The following PUDP variants were observed in gnomAD, a reference collection of about 807,000 sequenced individuals.
PUDP encodes pseudouridine-5'-phosphatase.
PUDP carries 8 observed loss-of-function variants against 9.4 expected under a neutral mutation model. The observed-to-expected ratio is 0.85, with a 90% CI of 0.50 to 1.53. PUDP has a LOEUF of 1.53. Among genes scored for constraint, PUDP ranks in the 40% most tolerant of loss-of-function variants. The pLI is 0.00. For synonymous variants in PUDP, 99 were observed against 80.7 expected (o/e 1.23, Z -1.22); for missense variants, 188 against 189.7 (o/e 0.99, Z 0.05).
chrX:6,890,269 G>C (rs1220046493), intron 3 of PUDP, among the ~76,000 whole-genome samples: 1 of 111,795 alleles, frequency 8.9e-6, no homozygotes, highest in African/African-American at 3.3e-5. Context: ...TGGAACTATT[G>C]CTCTTCAAAT....
chrX:7,141,524 G>A (rs1932795417), intron 1 of PUDP, among the ~76,000 whole-genome samples: 1 of 113,236 alleles, frequency 8.8e-6, no homozygotes, highest in South Asian at 3.6e-4. Context: ...GAGGTTTAAG[G>A]AAAGAATTGC....
At chrX:6,711,663 G>A (rs1171460543) in intron 1 of PUDP, among the ~76,000 whole-genome samples, 1 of 111,661 alleles carries the variant, frequency 9.0e-6, no homozygotes, top group East Asian at 2.8e-4. Flanking sequence ...TCCTTCCGAG[G>A]CTTCTTCTGA....
intron 1 of PUDP, among the ~76,000 whole-genome samples, chrX:7,124,965 G>A (rs1280986719): frequency 9.2e-6 from 1 of 108,798 alleles, no homozygotes; most frequent in Non-Finnish European, 1.9e-5. Context: ...AAGTAACTTT[G>A]GCTATCTTTT....
intron 3 of PUDP, among the ~76,000 whole-genome samples, chrX:6,800,822 C>T (rs1925920391): frequency 8.9e-6 from 1 of 111,752 alleles, no homozygotes; most frequent in African/African-American, 3.3e-5. Context: ...TTGTTAACAA[C>T]CTAGACTTGC....
intron 3 of PUDP, among the ~76,000 whole-genome samples, chrX:6,794,018 A>T (rs1482155344): frequency 8.9e-6 from 1 of 111,842 alleles, no homozygotes; most frequent in Non-Finnish European, 1.9e-5. Context: ...AATGGAAAAG[A>T]CTATGGAATA....
intron 3 of PUDP, among the ~76,000 whole-genome samples, chrX:6,888,162 C>T (rs1157271308): frequency 9.0e-6 from 1 of 110,891 alleles, no homozygotes; most frequent in Non-Finnish European, 1.9e-5. Context: ...TTGCTAGAGG[C>T]CGCCCTAAGA....
At chrX:6,826,289 T>G (rs1261593348) in intron 3 of PUDP, among the ~76,000 whole-genome samples, 1 of 111,979 alleles carries the variant, frequency 8.9e-6, no homozygotes, top group African/African-American at 3.2e-5. Context: ...CTGTAACAAA[T>G]GTACAATTTA....
intron 1 of PUDP, among the ~76,000 whole-genome samples, chrX:6,714,859 T>C (rs904504021): frequency 7.2e-5 from 8 of 111,467 alleles, no homozygotes; most frequent in African/African-American, 2.6e-4. Context: ...AACACATCAT[T>C]GTCACCACTC....
chrX:6,954,542 C>T (rs1448752337), intron 3 of PUDP, among the ~76,000 whole-genome samples: 1 of 111,610 alleles, frequency 9.0e-6, no homozygotes, highest in South Asian at 3.8e-4. Flanking sequence ...AGGGGCAGTC[C>T]TCCAGGCTGG....
chrX:6,775,399 T>C (rs1925433721), intron 3 of PUDP, among the ~76,000 whole-genome samples: 1 of 111,422 alleles, frequency 9.0e-6, no homozygotes, highest in Admixed American at 9.6e-5. Context: ...AGCCCTGCTA[T>C]TAACATTCAT....
At chrX:6,940,195 C>T (rs1928379006) in intron 3 of PUDP, among the ~76,000 whole-genome samples, 1 of 113,464 alleles carries the variant, frequency 8.8e-6, no homozygotes, top group Non-Finnish European at 1.9e-5. Context: ...AACTATGGCC[C>T]ATTGGCCAAG....
At chrX:6,843,105 T>TA (rs1364892027) in intron 3 of PUDP, among the ~76,000 whole-genome samples, 1 of 112,550 alleles carries the variant, frequency 8.9e-6, no homozygotes. Context: ...GATAATGTAT[T>TA]ATGCAGTGAA....
rs1180175732 is a variant in PUDP at position 7,077,295 on chromosome X, C to T, written c.435G>A (p.Val145=). 8.3e-7 allele frequency: 1 copy of T among 1,207,389 alleles called. No homozygotes were observed. The highest frequency in any genetic ancestry group is 1.8e-5 in the African/African-American group (1 of 57,138). Residue 145 remains valine, a synonymous_variant, in exon 3 of 4, where the codon GTG becomes GTA. Transcript: ENST00000381077. ...TGTCCGGGTCTGGCTTGCCATGCTGCACTTCGGGGTCATCTCCCAGCACAA... is the reference window on the plus strand; with the variant it reads ...TGTCCGGGTCTGGCTTGCCATGCTGTACTTCGGGGTCATCTCCCAGCACAA... The part of the protein sequence containing the change: ...SHIVLGDDPE[V]QHGKPDPDIF...
chrX:7,075,382 G>A lies in PUDP; in HGVS notation c.510+1838C>T, dbSNP rs188757156. ...TAGCCAGGCGTGATGGCACACGCCT[G>A]TAATCCCAGGTACTCAGGAGGGTGA... On this transcript the variant is annotated intron_variant, in intron 3 of 3. Transcript: ENST00000381077. Among the ~76,000 whole-genome samples, 424 of 111,749 alleles carry A rather than the reference G, an allele frequency of 3.8e-3. 2 individuals carry two copies. Among genetic ancestry groups the A allele is most frequent in the African/African-American group, 0.013 (409 of 30,719 alleles).
intron 3 of PUDP, among the ~76,000 whole-genome samples, chrX:6,951,753 C>T (rs142598221): frequency 0.03 from 3,362 of 112,223 alleles, 63 homozygotes; most frequent in African/African-American, 0.07. Context: ...TGTTATAGTG[C>T]TGCAGTCGGC....
At chrX:7,030,485 G>T (rs1436285017) in intron 1 of PUDP, among the ~76,000 whole-genome samples, 1 of 111,670 alleles carries the variant, frequency 9.0e-6, no homozygotes, top group Non-Finnish European at 1.9e-5. Context: ...GTATTTCCAG[G>T]AGAATGGCAT....
intron 3 of PUDP, among the ~76,000 whole-genome samples, chrX:6,847,643 C>T (rs1289079680): frequency 8.9e-6 from 1 of 112,470 alleles, no homozygotes. Context: ...TGACTTCTCA[C>T]AATATCCAGT....
chrX:6,753,261 T>C (rs12394428), intron 3 of PUDP, among the ~76,000 whole-genome samples: 20,292 of 111,503 alleles, frequency 0.18, 1,824 homozygotes, highest in African/African-American at 0.34. Flanking sequence ...CTTAGAATAA[T>C]AGTCTCCAAT....
intron 1 of PUDP, among the ~76,000 whole-genome samples, chrX:7,027,539 A>G (rs1245903205): frequency 1.9e-5 from 2 of 102,984 alleles, no homozygotes; most frequent in Non-Finnish European, 3.9e-5. Context: ...TCACACATAT[A>G]TGTGTGAATA....
Sources: gnomAD v4.1 joint callset for allele counts (sites outside exome capture counted in the v4.1 genomes callset) on GRCh38, gnomAD v4.1.1 for gene constraint, MANE v1.5 for transcripts, NCBI Gene and HGNC (gene_info 2026-07-23, HGNC 2026-07-21) for gene names.